MCTP1: variants seen among roughly 807,000 people sequenced by gnomAD.
MCTP1 encodes multiple C2 and transmembrane domain containing 1.
In MCTP1, 69 loss-of-function variants were observed where a neutral mutation model predicts 120.6. That is an observed-to-expected ratio of 0.57 (90% CI 0.47 to 0.70). The LOEUF (loss-of-function observed/expected upper bound fraction) is 0.70. MCTP1 is among the 30% of genes least tolerant of loss of function. The pLI is 0.00. For missense variants in MCTP1, 1,203 were observed against 1,248.8 expected, an observed-to-expected ratio of 0.96 and a Z score of 0.55; for synonymous variants, 529 against 493.1, an observed-to-expected ratio of 1.07 and a Z score of -0.96.
At chr5:94,788,148 C>G (rs255352) in intron 18 of MCTP1, among the ~76,000 whole-genome samples, 136,840 of 152,274 alleles carry the variant, frequency 0.9, 61,867 homozygotes, top group African/African-American at 0.96. Context: ...GTTTAAGCAA[C>G]GCTACCAGAA....
rs781266962 is a variant in MCTP1 at position 95,002,138 on chromosome 5, G to T, written c.838+15229C>A. ...TGTGGGTGCACAGAAGTCAAGAATT[G>T]ACGTTTGAGAACCTCCACCTAGATT... On this transcript the variant is annotated intron_variant, in intron 2 of 22. Transcript: ENST00000515393. 6.0e-4 allele frequency among the ~76,000 whole-genome samples: 91 copies of T among 152,342 alleles called. 2 individuals carry two copies. Among genetic ancestry groups the T allele is most frequent in the Middle Eastern group, 6.8e-3 (2 of 294 alleles).
At chr5:94,881,171 T>G (rs1799979384) in intron 12 of MCTP1, among the ~76,000 whole-genome samples, 1 of 152,146 alleles carries the variant, frequency 6.6e-6, no homozygotes, top group African/African-American at 2.4e-5. Flanking sequence ...TGAGAGCACG[T>G]GGAGTTAATT....
chr5:95,070,351 G>T (rs1444445256), intron 1 of MCTP1, among the ~76,000 whole-genome samples: 1 of 151,536 alleles, frequency 6.6e-6, no homozygotes, highest in South Asian at 2.1e-4. Context: ...TTGCACTTGA[G>T]TGCAACACCT....
rs532799721 is a variant in MCTP1 at position 95,072,904 on chromosome 5, C to T, written c.721-55420G>A. 2.6e-5 allele frequency among the ~76,000 whole-genome samples: 4 copies of T among 152,116 alleles called. No homozygotes were observed. The East Asian group carries it at 7.7e-4, about 29-fold the overall frequency. ...GGGACTACAGGTGCCGGCCACCATA[C>T]CTGGCTAATTTTTTGTATTTTTAGT... On this transcript the variant is annotated intron_variant, in intron 1 of 22. Transcript: ENST00000515393.
chr5:95,007,907 TTC>T (rs1200665314), intron 2 of MCTP1, among the ~76,000 whole-genome samples: 2 of 152,276 alleles, frequency 1.3e-5, no homozygotes, highest in East Asian at 3.9e-4. Flanking sequence ...GTGAATGAGA[TTC>T]TCTAAATCTA....
At chr5:94,944,908 C>A (rs1818559726) in intron 3 of MCTP1, among the ~76,000 whole-genome samples, 1 of 152,158 alleles carries the variant, frequency 6.6e-6, no homozygotes, top group Admixed American at 6.5e-5. Flanking sequence ...ACTGCACTAA[C>A]AACAAGCACA....
At chr5:95,076,346 A>G (rs944644793) in intron 1 of MCTP1, among the ~76,000 whole-genome samples, 2 of 152,146 alleles carry the variant, frequency 1.3e-5, no homozygotes, top group African/African-American at 2.4e-5. Context: ...AGCATTTTTC[A>G]AACTCCAGGT....
intron 1 of MCTP1, among the ~76,000 whole-genome samples, chr5:95,072,740 A>ATT (rs11421165): frequency 0.63 from 60,081 of 95,354 alleles, 21,537 homozygotes; most frequent in Non-Finnish European, 0.76. Context: ...CTTAGCAACT[A>ATT]TTTTTTTTTT....
Position 95,068,253 on chromosome 5 carries a change from A to G in MCTP1, c.721-50769T>C, listed in dbSNP as rs542984236. On this transcript the variant is annotated intron_variant, in intron 1 of 22. Transcript: ENST00000515393. The stretch of plus-strand genomic sequence containing the variant: ...TAGGGTTTTCTCTAAGAAATATCCA[A>G]TGAGAGAAAATAGATTTGATTCACA... 1.1e-4 allele frequency among the ~76,000 whole-genome samples: 16 copies of G among 152,326 alleles called. No homozygotes were observed. The South Asian group carries it at 2.9e-3, about 28-fold the overall frequency.
chr5:94,970,831 G>T (rs1167281075), intron 2 of MCTP1, among the ~76,000 whole-genome samples: 1 of 150,364 alleles, frequency 6.7e-6, no homozygotes, highest in Non-Finnish European at 1.5e-5. Flanking sequence ...AGACCCTAAA[G>T]TATTACGCCT....
At chr5:94,939,977 G>A (rs1690854877) in intron 5 of MCTP1, 107 bp downstream of exon 5, 1 of 574,336 alleles carries the variant, frequency 1.7e-6, no homozygotes, top group African/African-American at 1.9e-5. Flanking sequence ...CAAAGAACAG[G>A]GCATATTTTC....
intron 1 of MCTP1, among the ~76,000 whole-genome samples, chr5:95,146,075 G>A (rs926966653): frequency 5.9e-5 from 9 of 151,592 alleles, no homozygotes; most frequent in South Asian, 4.2e-4. Context: ...TTATTGGTCC[G>A]TTCAGATTTT....
At chr5:94,874,447 A>C (rs75891428) in intron 12 of MCTP1, among the ~76,000 whole-genome samples, 1,686 of 152,264 alleles carry the variant, frequency 0.011, 18 homozygotes, top group East Asian at 0.044. Context: ...TTAATTTATT[A>C]ACTTTATATT....
chr5:95,115,277 A>G (rs1181653022), intron 1 of MCTP1, among the ~76,000 whole-genome samples: 1 of 152,132 alleles, frequency 6.6e-6, no homozygotes, highest in East Asian at 1.9e-4. Flanking sequence ...CACCAAATCA[A>G]CTAAATACAG....
chr5:94,782,965 C>CG (rs1776888746), intron 18 of MCTP1, among the ~76,000 whole-genome samples: 1 of 152,040 alleles, frequency 6.6e-6, no homozygotes, highest in African/African-American at 2.4e-5. Flanking sequence ...TCTGATACCT[C>CG]GCTTGAAAGC....
At chr5:95,028,275 G>C (rs1839657270) in intron 1 of MCTP1, among the ~76,000 whole-genome samples, 1 of 152,068 alleles carries the variant, frequency 6.6e-6, no homozygotes, top group South Asian at 2.1e-4. Flanking sequence ...GGTTATAATG[G>C]TAAGTTAGCC....
chr5:94,753,667 A>G (rs979320226), intron 19 of MCTP1, among the ~76,000 whole-genome samples: 1 of 152,364 alleles, frequency 6.6e-6, no homozygotes, highest in South Asian at 2.1e-4. Context: ...TGTTCATTCA[A>G]TTATGCCTCT....
chr5:94,804,280 C>A (rs886312980), intron 17 of MCTP1, among the ~76,000 whole-genome samples: 1 of 152,026 alleles, frequency 6.6e-6, no homozygotes, highest in African/African-American at 2.4e-5. Flanking sequence ...ATCATAGGAC[C>A]CTGTGCAAGT....
At chr5:95,115,047 T>G (rs1757717929) in intron 1 of MCTP1, among the ~76,000 whole-genome samples, 1 of 152,182 alleles carries the variant, frequency 6.6e-6, no homozygotes, top group South Asian at 2.1e-4. Flanking sequence ...CTACAAGTCT[T>G]CAGGAACCAC....
Sources: gnomAD v4.1 joint callset for allele counts (sites outside exome capture counted in the v4.1 genomes callset) on GRCh38, gnomAD v4.1.1 for gene constraint, MANE v1.5 for transcripts, NCBI Gene and HGNC (gene_info 2026-07-23, HGNC 2026-07-21) for gene names.